Variants in GPR158 observed in about 807,000 individuals in gnomAD.
GPR158 encodes the protein G protein-coupled receptor 158, also known as metabotropic glycine receptor.
Under a neutral mutation model 78.2 loss-of-function variants are expected in GPR158, and 30 were observed. The observed-to-expected ratio is 0.38, with a 90% confidence interval of 0.29 to 0.52. The LOEUF is 0.52. Ranked by LOEUF, GPR158 falls within the 20% of genes least tolerant of loss-of-function variation. The pLI is 0.83. For synonymous variants in GPR158, 581 were observed against 591.1 expected (o/e 0.98, Z 0.25); for missense variants, 1,463 against 1,523.5 (o/e 0.96, Z 0.66).
chr10:25,406,975 C>T lies in GPR158; in HGVS notation c.1112-5275C>T, dbSNP rs1588848353. ...TAAGACTAATCTATAATCAAAGATACAAAGGTTATAGCTGCCAGTTATGTG... is the reference window on the plus strand; with the variant it reads ...TAAGACTAATCTATAATCAAAGATATAAAGGTTATAGCTGCCAGTTATGTG... On this transcript the variant is annotated intron_variant, in intron 3 of 10. Coordinates refer to ENST00000376351, the MANE Select transcript of GPR158 (RefSeq NM_020752.3). Among the ~76,000 whole-genome samples, 6 of 152,240 alleles carry T rather than the reference C, an allele frequency of 3.9e-5. 1 individual carries two copies. In the South Asian group the frequency reaches 1.2e-3, roughly 32 times the overall value.
At chr10:25,283,694 T>C (rs2130756584) in intron 2 of GPR158, among the ~76,000 whole-genome samples, 1 of 152,094 alleles carries the variant, frequency 6.6e-6, no homozygotes, top group African/African-American at 2.4e-5. Flanking sequence ...GTCAGAAGCT[T>C]AGATTACTGA....
intron 2 of GPR158, among the ~76,000 whole-genome samples, chr10:25,257,827 A>C (rs1267003780): frequency 6.6e-6 from 1 of 152,184 alleles, no homozygotes; most frequent in Non-Finnish European, 1.5e-5. Context: ...TTACGCAAGT[A>C]GGCTTGTTTT....
intron 2 of GPR158, among the ~76,000 whole-genome samples, chr10:25,265,600 A>G (rs1002792222): frequency 6.6e-6 from 1 of 152,198 alleles, no homozygotes; most frequent in African/African-American, 2.4e-5. Flanking sequence ...GAGACATGGC[A>G]TTCTTCATTG....
chr10:25,543,871 G>A (rs1028805213), intron 5 of GPR158, among the ~76,000 whole-genome samples: 1 of 152,134 alleles, frequency 6.6e-6, no homozygotes, highest in African/African-American at 2.4e-5. Context: ...AACTTCCCAT[G>A]GTTATGAACC....
rs957692663 is a variant in GPR158, at chr10:25,323,001, C to G, written c.1009-72910C>G. Among the ~76,000 whole-genome samples the G allele has an allele frequency of 2.6e-5, 4 of 152,086 alleles. 1 individual carries two copies. The highest frequency in any genetic ancestry group is 9.7e-5 in the African/African-American group (4 of 41,414). On this transcript the variant is annotated intron_variant, in intron 2 of 10. Coordinates refer to ENST00000376351, the MANE Select transcript of GPR158 (RefSeq NM_020752.3). ...AGCTGGGACTACAGATGCCCGCCAC[C>G]ATGCCCGGCTAATTTTTTGTATTTT...
chr10:25,503,693 A>G (rs193050377), intron 5 of GPR158, among the ~76,000 whole-genome samples: 5 of 152,292 alleles, frequency 3.3e-5, no homozygotes, highest in Admixed American at 3.3e-4. Flanking sequence ...TGCATGTCAC[A>G]TGATTGAAAA....
chr10:25,501,710 C>T (rs1835947842), intron 5 of GPR158, among the ~76,000 whole-genome samples: 1 of 152,194 alleles, frequency 6.6e-6, no homozygotes, highest in Admixed American at 6.5e-5. Context: ...CCGGAGCAGA[C>T]TTGTACCTGC....
At chr10:25,393,566 G>C (rs1834330725) in intron 2 of GPR158, 1 of 152,136 alleles carries the variant, frequency 6.6e-6, no homozygotes. Context: ...TAACATTTTA[G>C]CTCTGAAGTG....
At chr10:25,392,519 T>C (rs2130523787) in intron 2 of GPR158, among the ~76,000 whole-genome samples, 1 of 152,336 alleles carries the variant, frequency 6.6e-6, no homozygotes, top group African/African-American at 2.4e-5. Flanking sequence ...TAGCAATAAC[T>C]CTTAATTTTT....
At chr10:25,243,982 T>C (rs906484695) in intron 2 of GPR158, 1 of 152,162 alleles carries the variant, frequency 6.6e-6, no homozygotes, top group Non-Finnish European at 1.5e-5. Context: ...TGCTATATAA[T>C]ATTAGAGGAG....
At chr10:25,587,410 G>A (rs1212324628) in intron 7 of GPR158, among the ~76,000 whole-genome samples, 2 of 152,204 alleles carry the variant, frequency 1.3e-5, no homozygotes, top group Non-Finnish European at 2.9e-5. Flanking sequence ...GGAGTAAACT[G>A]ATAGCGGCTT....
At chr10:25,281,482 G>A (rs1854273913) in intron 2 of GPR158, among the ~76,000 whole-genome samples, 1 of 151,768 alleles carries the variant, frequency 6.6e-6, no homozygotes, top group South Asian at 2.1e-4. Flanking sequence ...GGAGGCTTAA[G>A]TGAGAGGACT....
At chr10:25,523,689 G>T (rs1460563739) in intron 5 of GPR158, among the ~76,000 whole-genome samples, 3 of 152,060 alleles carry the variant, frequency 2.0e-5, no homozygotes, top group Non-Finnish European at 2.9e-5. Context: ...CTAAACAGAA[G>T]ATCAACAAGG....
intron 5 of GPR158, among the ~76,000 whole-genome samples, chr10:25,494,013 T>C (rs1251117389): frequency 6.6e-6 from 1 of 152,174 alleles, no homozygotes; most frequent in Non-Finnish European, 1.5e-5. Context: ...GCAAGTATCA[T>C]CTGATTTCTA....
intron 4 of GPR158, among the ~76,000 whole-genome samples, chr10:25,447,023 T>G (rs1235984399): frequency 6.6e-6 from 1 of 152,144 alleles, no homozygotes; most frequent in African/African-American, 2.4e-5. Context: ...GACTTACAAG[T>G]TAAAAGGTTA....
At chr10:25,293,180 T>G (rs1854464440) in intron 2 of GPR158, among the ~76,000 whole-genome samples, 1 of 152,230 alleles carries the variant, frequency 6.6e-6, no homozygotes, top group Non-Finnish European at 1.5e-5. Context: ...TGCCTTGAGT[T>G]GAGAATTCCT....
Position 25,291,380 on chromosome 10 carries a change from A to G in GPR158, c.1008+70223A>G, listed in dbSNP as rs377599733. On this transcript the variant is annotated intron_variant, in intron 2 of 10. Transcript: ENST00000376351. ...TTTATCGTGTCTAGTAGATTAAAACATATCAGTTGTTTAGGAGAAGTAACA... is the reference window on the plus strand; with the variant it reads ...TTTATCGTGTCTAGTAGATTAAAACGTATCAGTTGTTTAGGAGAAGTAACA... 5.1e-4 allele frequency among the ~76,000 whole-genome samples: 78 copies of G among 152,214 alleles called. No homozygotes were observed. The South Asian group carries it at 0.016, about 30-fold the overall frequency.
At chr10:25,362,289 C>A (rs1481177959) in intron 2 of GPR158, among the ~76,000 whole-genome samples, 1 of 151,864 alleles carries the variant, frequency 6.6e-6, no homozygotes, top group African/African-American at 2.4e-5. Context: ...TATTTCTGGG[C>A]TCTCATCCTA....
At chr10:25,569,741 C>A (rs1321898841) in intron 6 of GPR158, among the ~76,000 whole-genome samples, 1 of 152,130 alleles carries the variant, frequency 6.6e-6, no homozygotes, top group Admixed American at 6.5e-5. Context: ...AAGCCCAGAT[C>A]AAATACTACC....
Sources: allele counts gnomAD v4.1 joint callset (sites outside exome capture counted in the v4.1 genomes callset), GRCh38; gene constraint gnomAD v4.1.1; transcripts MANE v1.5; gene names NCBI Gene and HGNC (gene_info 2026-07-23, HGNC 2026-07-21).